The following RNLS variants were observed in gnomAD, a reference collection of about 807,000 sequenced individuals.
RNLS encodes the protein renalase.
RNLS carries 39 observed loss-of-function variants against 39.8 expected under a neutral mutation model. The observed-to-expected ratio is 0.98, with a 90% CI of 0.76 to 1.28. The LOEUF (loss-of-function observed/expected upper bound fraction) is 1.28. RNLS is among the 50% of genes most tolerant of loss of function. RNLS has a pLI of 0.00. For synonymous variants in RNLS, 147 were observed against 150.7 expected, an observed-to-expected ratio of 0.98 and a Z score of 0.18; for missense variants, 410 against 413.3, an observed-to-expected ratio of 0.99 and a Z score of 0.07.
intron 5 of RNLS, among the ~76,000 whole-genome samples, chr10:88,338,404 T>C (rs1847664659): frequency 6.6e-6 from 1 of 152,248 alleles, no homozygotes; most frequent in South Asian, 2.1e-4. Flanking sequence ...TTAGCTCTGC[T>C]ACTATCTAAC....
At chr10:88,380,638 C>T (rs1851404327) in intron 4 of RNLS, among the ~76,000 whole-genome samples, 1 of 152,030 alleles carries the variant, frequency 6.6e-6, no homozygotes, top group Admixed American at 6.5e-5. Context: ...CCAGCCTCGG[C>T]CTCCCGAAGT....
At chr10:88,253,109 A>G in the RNLS span, among the ~76,000 whole-genome samples, 1 of 152,200 alleles carries the variant, frequency 6.6e-6, no homozygotes, top group Admixed American at 6.5e-5. Context: ...GTCTCAGGGC[A>G]GTGAACTTGA....
At chr10:88,439,072 T>TAGTTTTGCTC (rs1418558532) in intron 4 of RNLS, among the ~76,000 whole-genome samples, 1 of 152,168 alleles carries the variant, frequency 6.6e-6, no homozygotes, top group Non-Finnish European at 1.5e-5. Context: ...TGCAGCCCAG[T>TAGTTTTGCTC]AGTTTTGCTC....
chr10:88,571,325 A>C (rs1849824057), intron 4 of RNLS, among the ~76,000 whole-genome samples: 1 of 152,120 alleles, frequency 6.6e-6, no homozygotes, highest in Non-Finnish European at 1.5e-5. Flanking sequence ...TAACAAATAA[A>C]GGGGAAAAAG....
At chr10:88,565,983 G>C (rs1224951078) in intron 4 of RNLS, among the ~76,000 whole-genome samples, 2 of 151,668 alleles carry the variant, frequency 1.3e-5, no homozygotes, top group Non-Finnish European at 2.9e-5. Flanking sequence ...TCTTGACCTC[G>C]TGATCCGCCC....
chr10:88,354,901 C>A (rs1849030440), intron 5 of RNLS, among the ~76,000 whole-genome samples: 1 of 152,166 alleles, frequency 6.6e-6, no homozygotes, highest in African/African-American at 2.4e-5. Flanking sequence ...TTCTTGGAGG[C>A]TTTGTTTGTT....
intron 4 of RNLS, among the ~76,000 whole-genome samples, chr10:88,427,680 TA>T: frequency 6.6e-6 from 1 of 151,992 alleles, no homozygotes; most frequent in Non-Finnish European, 1.5e-5. Flanking sequence ...AAGGAAAATG[TA>T]TCAACAACTC....
intron 5 of RNLS, among the ~76,000 whole-genome samples, chr10:88,330,070 G>GATATAGATATATAT (rs1437049511): frequency 7.1e-6 from 1 of 140,546 alleles, no homozygotes; most frequent in African/African-American, 2.6e-5. Context: ...TCTGTTTTGA[G>GATATAGATATATAT]ATATATATAT....
Position 88,538,843 on chromosome 10 carries a change from T to C in RNLS, c.526+34060A>G, listed in dbSNP as rs138701086. Among the ~76,000 whole-genome samples the C allele has an allele frequency of 1.9e-3, 283 of 152,226 alleles. 1 individual carries two copies. The highest frequency in any genetic ancestry group is 6.4e-3 in the African/African-American group (264 of 41,562). On this transcript the variant is annotated intron_variant, in intron 4 of 6. Coordinates refer to ENST00000331772, the MANE Select transcript of RNLS (RefSeq NM_001031709.3). ...TATAACATCTACTTGATGGAAAACA[T>C]TTAATGTAAAAGTTACTAGCCCCAT... is the stretch of plus-strand genomic sequence containing the variant.
Position 88,467,122 on chromosome 10 carries a change from T to C in RNLS, c.527-104397A>G, listed in dbSNP as rs549001830. ...CTCACTAGCCTGACGCAACCATATT[T>C]ATCTCAAACCTCAGACTCCATTATT... On this transcript the variant is annotated intron_variant, in intron 4 of 6. Transcript: ENST00000331772. Among the ~76,000 whole-genome samples, 358 of 152,180 alleles carry C rather than the reference T, an allele frequency of 2.4e-3. 2 individuals carry two copies. The highest frequency in any genetic ancestry group is 8.0e-3 in the African/African-American group (333 of 41,528).
At chr10:88,251,692 C>T in the RNLS span, among the ~76,000 whole-genome samples, 1 of 152,238 alleles carries the variant, frequency 6.6e-6, no homozygotes, top group African/African-American at 2.4e-5. Context: ...ACACACGTAT[C>T]TGTGGAAACA....
intron 4 of RNLS, among the ~76,000 whole-genome samples, chr10:88,558,234 T>C (rs1000763923): frequency 6.6e-6 from 1 of 152,102 alleles, no homozygotes; most frequent in African/African-American, 2.4e-5. Flanking sequence ...TGGAGAAGAT[T>C]TGGATTCCAT....
chr10:88,500,434 A>G (rs1289723402), intron 4 of RNLS, among the ~76,000 whole-genome samples: 1 of 152,180 alleles, frequency 6.6e-6, no homozygotes, highest in African/African-American at 2.4e-5. Flanking sequence ...TTTGGACTAA[A>G]TTGGAGTCAG....
intron 4 of RNLS, among the ~76,000 whole-genome samples, chr10:88,431,177 A>G (rs906087685): frequency 6.6e-6 from 1 of 151,608 alleles, no homozygotes; most frequent in African/African-American, 2.4e-5. Flanking sequence ...CAGGTTATCT[A>G]TTTATTTTTG....
chr10:88,427,853 G>A (rs1301573208), intron 4 of RNLS, among the ~76,000 whole-genome samples: 2 of 151,884 alleles, frequency 1.3e-5, no homozygotes, highest in South Asian at 2.1e-4. Context: ...ACTTCATATA[G>A]GAAGCAACTG....
chr10:88,173,199 C>T, the RNLS span, among the ~76,000 whole-genome samples: 2 of 152,064 alleles, frequency 1.3e-5, no homozygotes, highest in African/African-American at 4.8e-5. Context: ...AATCTAATTT[C>T]ACTGATACCC....
chr10:88,432,542 T>G (rs1855195681), intron 4 of RNLS, among the ~76,000 whole-genome samples: 1 of 151,956 alleles, frequency 6.6e-6, no homozygotes, highest in Non-Finnish European at 1.5e-5. Context: ...TTGTTCCATC[T>G]TTTCTCTTTT....
At chr10:88,246,498 A>T in the RNLS span, among the ~76,000 whole-genome samples, 1 of 152,074 alleles carries the variant, frequency 6.6e-6, no homozygotes, top group Non-Finnish European at 1.5e-5. Flanking sequence ...ATACTGCCAT[A>T]TAATCAGGGA....
At chr10:88,343,384 C>T in intron 5 of RNLS, 1 of 277,022 alleles carries the variant, frequency 3.6e-6, no homozygotes, top group Non-Finnish European at 5.5e-6. Context: ...CGGATTTTTG[C>T]CCAAAAAAGC....
Sources: allele counts gnomAD v4.1 joint callset (sites outside exome capture counted in the v4.1 genomes callset), GRCh38; gene constraint gnomAD v4.1.1; transcripts MANE v1.5; gene names NCBI Gene and HGNC (gene_info 2026-07-23, HGNC 2026-07-21).